BANK1: variants seen among roughly 807,000 people sequenced by gnomAD.
BANK1 encodes the protein B cell scaffold protein with ankyrin repeats 1.
Under a neutral mutation model 94.5 loss-of-function variants are expected in BANK1, and 95 were observed. The observed-to-expected ratio is 1.00, with a 90% confidence interval of 0.85 to 1.19. The LOEUF is 1.19. Ranked by LOEUF, BANK1 falls within the 50% of genes most tolerant of loss-of-function variation. The probability of loss-of-function intolerance (pLI) is 0.00; values close to 1 mark genes in which losing one functional copy is unlikely to be tolerated. For synonymous variants in BANK1, 334 were observed against 308.4 expected (o/e 1.08, Z -0.87); for missense variants, 987 against 932.2 (o/e 1.06, Z -0.77).
At position 101,832,299 on chromosome 4, in the gene BANK1, A is replaced by T. The variant is rs150155200; in HGVS notation, c.469+2093A>T. 1.6e-4 allele frequency among the ~76,000 whole-genome samples: 25 copies of T among 152,332 alleles called. No homozygotes were observed. In the East Asian group the frequency reaches 4.8e-3, roughly 29 times the overall value. On this transcript the variant is annotated intron_variant, in intron 2 of 16. Transcript: ENST00000322953. ...ATTCTGGATTATTTTTCCCAGGGAC[A>T]TGCTTTCTTATTTTTGTTTGTATCT...
At chr4:101,978,830 T>C (rs1268575299) in intron 7 of BANK1, among the ~76,000 whole-genome samples, 1 of 152,072 alleles carries the variant, frequency 6.6e-6, no homozygotes, top group Non-Finnish European at 1.5e-5. Context: ...ACACCAAATT[T>C]ATGTCACACT....
At chr4:102,066,967 C>T (rs58122739) in intron 13 of BANK1, among the ~76,000 whole-genome samples, 6,024 of 151,964 alleles carry the variant, frequency 0.04, 373 homozygotes, top group African/African-American at 0.14. Flanking sequence ...AAAATTGTTA[C>T]GTGGTAAAGT....
chr4:101,864,122 A>G (rs984218432), intron 4 of BANK1, among the ~76,000 whole-genome samples: 2 of 152,214 alleles, frequency 1.3e-5, no homozygotes, highest in African/African-American at 4.8e-5. Flanking sequence ...TAATAAATAA[A>G]TAAACCACTG....
intron 11 of BANK1, among the ~76,000 whole-genome samples, chr4:102,046,444 G>C (rs548144738): frequency 1.3e-5 from 2 of 152,180 alleles, no homozygotes; most frequent in African/African-American, 4.8e-5. Flanking sequence ...GTTATCATGA[G>C]GGTTCCAGGA....
intron 6 of BANK1, among the ~76,000 whole-genome samples, chr4:101,917,000 G>A (rs1722849829): frequency 6.6e-6 from 1 of 151,992 alleles, no homozygotes. Flanking sequence ...TAACAAGTGA[G>A]ACTGTAAATT....
chr4:102,021,607 G>T lies in BANK1; in HGVS notation c.1285+15G>T. The T allele has an allele frequency of 9.9e-7, 1 of 1,012,824 alleles. No individual in the cohort carries two copies. The highest frequency in any genetic ancestry group is 1.4e-6 in the Non-Finnish European group (1 of 707,530). 62.7% of individuals were successfully genotyped at this position (1,012,824 alleles called of 1,614,324 possible). A position where few individuals can be genotyped will look rare whatever the true frequency, so the allele number is the denominator to read the frequency against. ...ATATATTCCTTGTAAGTTTTTCCAT[G>T]TTATATATATATATGACATATTCAT... On this transcript the variant is annotated intron_variant, in intron 8 of 16. Transcript: ENST00000322953.
intron 2 of BANK1, among the ~76,000 whole-genome samples, chr4:101,847,975 G>A (rs1727319549): frequency 6.6e-6 from 1 of 152,104 alleles, no homozygotes; most frequent in Admixed American, 6.5e-5. Context: ...CTTCCTGATG[G>A]ATCCCTTTGG....
intron 7 of BANK1, among the ~76,000 whole-genome samples, chr4:101,995,546 G>A (rs1224004748): frequency 5.5e-4 from 84 of 152,134 alleles, no homozygotes; most frequent in African/African-American, 1.9e-3. Flanking sequence ...GGTTGAACTA[G>A]TTTACAGTCC....
At chr4:101,902,494 G>C (rs1722319135) in intron 6 of BANK1, among the ~76,000 whole-genome samples, 1 of 152,116 alleles carries the variant, frequency 6.6e-6, no homozygotes, top group Non-Finnish European at 1.5e-5. Flanking sequence ...CTTTAGTTGG[G>C]ATTGCAATTT....
intron 4 of BANK1, among the ~76,000 whole-genome samples, chr4:101,866,728 C>T (rs541184383): frequency 7.3e-5 from 4 of 54,530 alleles, no homozygotes; most frequent in South Asian, 4.6e-4. Flanking sequence ...ATGTTTATTG[C>T]AGCACTATTC....
At chr4:101,933,375 G>A (rs1013085796) in intron 7 of BANK1, among the ~76,000 whole-genome samples, 1 of 149,674 alleles carries the variant, frequency 6.7e-6, no homozygotes, top group East Asian at 2.0e-4. Flanking sequence ...TTCAGAAAAA[G>A]CAAGTCAGTG....
chr4:101,872,121 A>G (rs4270588), intron 5 of BANK1, among the ~76,000 whole-genome samples: 83,903 of 151,824 alleles, frequency 0.55, 24,505 homozygotes, highest in African/African-American at 0.75. Flanking sequence ...TAGAAGGGAG[A>G]ATGTTGGGCA....
chr4:101,970,733 C>T (rs1578428364), intron 7 of BANK1, among the ~76,000 whole-genome samples: 1 of 152,004 alleles, frequency 6.6e-6, no homozygotes, highest in Non-Finnish European at 1.5e-5. Context: ...CTGTCATGAC[C>T]CTGTCATGCT....
chr4:102,034,839 T>C (rs796914149), intron 10 of BANK1, among the ~76,000 whole-genome samples: 59 of 152,340 alleles, frequency 3.9e-4, no homozygotes, highest in African/African-American at 1.3e-3. Flanking sequence ...CCCAGATTAA[T>C]CTGGATCTCA....
intron 6 of BANK1, among the ~76,000 whole-genome samples, chr4:101,912,441 C>T (rs747375372): frequency 7.2e-5 from 11 of 151,920 alleles, no homozygotes; most frequent in Admixed American, 6.6e-5. Context: ...GCCACAGCAT[C>T]TGCCTCACTG....
intron 6 of BANK1, among the ~76,000 whole-genome samples, chr4:101,907,002 A>G (rs570565747): frequency 1.3e-5 from 2 of 152,262 alleles, no homozygotes; most frequent in Non-Finnish European, 1.5e-5. Flanking sequence ...ATTTACCCAC[A>G]TATTTATTAA....
Position 101,862,407 on chromosome 4 carries a change from C to T in BANK1, c.625-119C>T, listed in dbSNP as rs540440759. 9 of 684,214 alleles carry T rather than the reference C, an allele frequency of 1.3e-5. No homozygotes were observed. The East Asian group carries it at 2.6e-4, about 20-fold the overall frequency. The allele number at this position is 684,214 out of a possible 1,614,324, so 42.4% of individuals were successfully genotyped here. On this transcript the variant is annotated intron_variant, in intron 3 of 16. Transcript: ENST00000322953. ...TTCTGGATACAGTTGAAAATACAAA[C>T]ACCATAGAAGACTTATTCAATAATA...
chr4:101,989,757 G>T (rs1469853890), intron 7 of BANK1, among the ~76,000 whole-genome samples: 1 of 151,912 alleles, frequency 6.6e-6, no homozygotes, highest in Non-Finnish European at 1.5e-5. Context: ...TCCAGGTTAT[G>T]TATTTTTTAT....
At chr4:101,992,999 G>C (rs563326307) in intron 7 of BANK1, among the ~76,000 whole-genome samples, 1 of 152,102 alleles carries the variant, frequency 6.6e-6, no homozygotes, top group Admixed American at 6.6e-5. Flanking sequence ...AAATGTGTAG[G>C]TTCACAAGCC....
Sources: gnomAD v4.1 joint callset for allele counts (sites outside exome capture counted in the v4.1 genomes callset) on GRCh38, gnomAD v4.1.1 for gene constraint, MANE v1.5 for transcripts, NCBI Gene and HGNC (gene_info 2026-07-23, HGNC 2026-07-21) for gene names.